The following TBC1D22A variants were observed in gnomAD, a reference collection of about 807,000 sequenced individuals.
The protein encoded by TBC1D22A is TBC1 domain family member 22A.
In TBC1D22A, 38 loss-of-function variants were observed where a neutral mutation model predicts 60.2. The ratio of observed to expected loss-of-function variants is 0.63; its 90% CI spans 0.49 to 0.83. TBC1D22A has a LOEUF of 0.83. Among genes scored for constraint, TBC1D22A ranks in the 40% least tolerant of loss-of-function variants. The pLI is 0.00. For synonymous variants in TBC1D22A, 302 were observed against 281.7 expected (o/e 1.07, Z -0.72); for missense variants, 628 against 701.0 (o/e 0.90, Z 1.18).
intron 1 of TBC1D22A, among the ~76,000 whole-genome samples, chr22:46,765,520 C>T (rs2083250284): frequency 6.6e-6 from 1 of 152,020 alleles, no homozygotes; most frequent in Non-Finnish European, 1.5e-5. Flanking sequence ...GGCTGGAGTG[C>T]AGTGGTGTGA....
At chr22:46,821,569 T>C (rs1312094857) in intron 4 of TBC1D22A, among the ~76,000 whole-genome samples, 1 of 152,238 alleles carries the variant, frequency 6.6e-6, no homozygotes, top group Non-Finnish European at 1.5e-5. Flanking sequence ...GAATGTTGAA[T>C]ATTGATTCTT....
At chr22:46,908,907 T>A (rs1282651369) in intron 7 of TBC1D22A, among the ~76,000 whole-genome samples, 2 of 152,116 alleles carry the variant, frequency 1.3e-5, no homozygotes, top group Non-Finnish European at 2.9e-5. Flanking sequence ...CAGAACTCGG[T>A]CTATCTCAGG....
intron 10 of TBC1D22A, among the ~76,000 whole-genome samples, chr22:47,007,290 C>A (rs1051041486): frequency 6.6e-6 from 1 of 152,192 alleles, no homozygotes; most frequent in African/African-American, 2.4e-5. Flanking sequence ...GGGCACTGGG[C>A]AGGCACAGAA....
intron 10 of TBC1D22A, among the ~76,000 whole-genome samples, chr22:47,032,088 A>G (rs2062494291): frequency 1.3e-5 from 2 of 152,114 alleles, no homozygotes; most frequent in South Asian, 4.1e-4. Flanking sequence ...CCAGGTGGGG[A>G]CATGCCGAGC....
intron 12 of TBC1D22A, among the ~76,000 whole-genome samples, chr22:47,126,062 G>A (rs1329129064): frequency 6.6e-6 from 1 of 152,130 alleles, no homozygotes; most frequent in African/African-American, 2.4e-5. Flanking sequence ...GCTCACTGCA[G>A]CCTCCGCCTC....
At chr22:46,853,379 C>G (rs541651738) in intron 4 of TBC1D22A, among the ~76,000 whole-genome samples, 1 of 152,158 alleles carries the variant, frequency 6.6e-6, no homozygotes, top group Admixed American at 6.5e-5. Context: ...TCAACCGTAC[C>G]GTGGAAGGAT....
At chr22:46,970,388 C>T (rs2074000599) in intron 8 of TBC1D22A, among the ~76,000 whole-genome samples, 1 of 152,212 alleles carries the variant, frequency 6.6e-6, no homozygotes, top group African/African-American at 2.4e-5. Context: ...CTTGGAATTA[C>T]CATGTCTGTG....
chr22:46,793,912 C>A, intron 3 of TBC1D22A, 71 bp downstream of exon 3: 2 of 1,379,118 alleles, frequency 1.5e-6, no homozygotes, highest in Non-Finnish European at 1.9e-6. Context: ...AACACACTCA[C>A]TGTGGGAGAA....
chr22:46,790,146 C>T lies in TBC1D22A; in HGVS notation c.63-2374C>T, dbSNP rs560718171. Among the ~76,000 whole-genome samples, 13 of 152,358 alleles carry T rather than the reference C, an allele frequency of 8.5e-5. No individual in the cohort carries two copies. The South Asian group carries it at 1.9e-3, about 22-fold the overall frequency. ...CGCTGGGCTAACACCAAGGTGTTGG[C>T]GGGGCTGGTTCCTTCTGGAAGCTCC... On this transcript the variant is annotated intron_variant, in intron 1 of 12. Transcript: ENST00000337137.
At chr22:46,769,998 A>C (rs775627952) in intron 1 of TBC1D22A, among the ~76,000 whole-genome samples, 12 of 152,236 alleles carry the variant, frequency 7.9e-5, no homozygotes, top group Non-Finnish European at 1.3e-4. Context: ...AGGTGTCCTC[A>C]TCCTCATCCC....
At chr22:47,153,738 C>A (rs528405037) in intron 12 of TBC1D22A, among the ~76,000 whole-genome samples, 1 of 152,188 alleles carries the variant, frequency 6.6e-6, no homozygotes, top group South Asian at 2.1e-4. Context: ...GGAGGGGGCA[C>A]AGGGCAAGGT....
chr22:46,815,687 C>A (rs1408527258), intron 4 of TBC1D22A, among the ~76,000 whole-genome samples: 1 of 152,192 alleles, frequency 6.6e-6, no homozygotes, highest in Non-Finnish European at 1.5e-5. Flanking sequence ...ACTGACGATA[C>A]AAAGATGTAT....
At chr22:47,098,681 C>G (rs2065283321) in intron 11 of TBC1D22A, among the ~76,000 whole-genome samples, 1 of 152,180 alleles carries the variant, frequency 6.6e-6, no homozygotes, top group Admixed American at 6.5e-5. Flanking sequence ...ATGTGTTAGG[C>G]TGCCCTGGGG....
At chr22:46,889,754 A>C (rs1210565547) in intron 5 of TBC1D22A, among the ~76,000 whole-genome samples, 1 of 151,838 alleles carries the variant, frequency 6.6e-6, no homozygotes, top group Non-Finnish European at 1.5e-5. Flanking sequence ...GTAGGTCCTG[A>C]GTGACTCCAT....
At chr22:46,846,103 A>C (rs1254292769) in intron 4 of TBC1D22A, among the ~76,000 whole-genome samples, 1 of 152,272 alleles carries the variant, frequency 6.6e-6, no homozygotes, top group East Asian at 1.9e-4. Context: ...GTTGCCAGGC[A>C]GAAACCATGG....
Position 47,150,353 on chromosome 22 carries a change from C to T in TBC1D22A, c.1426-23145C>T, listed in dbSNP as rs138173340. On this transcript the variant is annotated intron_variant, in intron 12 of 12. Transcript: ENST00000337137. ...GCGAGGGCTCCAGGCAGCTTGGAGC[C>T]GGCCTCTGAGGCCCCCCGAGTTCAT... 7.1e-3 allele frequency among the ~76,000 whole-genome samples: 1,082 copies of T among 152,218 alleles called. 13 individuals carry two copies. Among genetic ancestry groups the T allele is most frequent in the Non-Finnish European group, 0.01 (690 of 68,012 alleles).
chr22:46,910,934 T>G (rs528657632), intron 7 of TBC1D22A, among the ~76,000 whole-genome samples: 2 of 151,914 alleles, frequency 1.3e-5, no homozygotes, highest in East Asian at 3.9e-4. Context: ...AAGAATGCTG[T>G]AGCTCAGTGC....
intron 12 of TBC1D22A, among the ~76,000 whole-genome samples, chr22:47,163,526 C>G (rs1490148783): frequency 1.3e-5 from 2 of 152,220 alleles, no homozygotes; most frequent in African/African-American, 4.8e-5. Flanking sequence ...GAAAGGTGAC[C>G]TGGAGTTACA....
chr22:47,005,559 A>T (rs563814058), intron 10 of TBC1D22A, among the ~76,000 whole-genome samples: 2 of 151,630 alleles, frequency 1.3e-5, no homozygotes, highest in South Asian at 4.2e-4. Context: ...TCCTACACAC[A>T]TATGCATATA....
Sources: gnomAD v4.1 joint callset for allele counts (sites outside exome capture counted in the v4.1 genomes callset) on GRCh38, gnomAD v4.1.1 for gene constraint, MANE v1.5 for transcripts, NCBI Gene and HGNC (gene_info 2026-07-23, HGNC 2026-07-21) for gene names.